ZNF331: variants seen among roughly 807,000 people sequenced by gnomAD.
ZNF331 encodes the protein C2H2-like zinc finger protein rearranged in thyroid adenomas.
Under a neutral mutation model 7.0 loss-of-function variants are expected in ZNF331, and 2 were observed. The observed-to-expected ratio is 0.29, with a 90% CI of 0.12 to 0.90. ZNF331 has a LOEUF of 0.90. ZNF331 is among the 40% of genes least tolerant of loss of function. The probability of loss-of-function intolerance (pLI) is 0.58; values close to 1 mark genes in which losing one functional copy is unlikely to be tolerated. For synonymous variants in ZNF331, 196 were observed against 205.4 expected (o/e 0.95, Z 0.39); for missense variants, 432 against 587.7 (o/e 0.74, Z 2.74).
upstream of ZNF331, among the ~76,000 whole-genome samples, chr19:53,534,622 A>G (rs113423171): frequency 2.0e-5 from 3 of 152,262 alleles, no homozygotes; most frequent in African/African-American, 7.2e-5. Context: ...AGACAAGTCA[A>G]GTTCTTCTTG....
rs3746305 is a variant in ZNF331, at chr19:53,539,198, C to T, written c.-204-18C>T. 0.58 allele frequency: 87,604 copies of T among 151,932 alleles called. 27,237 individuals carry two copies. The highest frequency in any genetic ancestry group is 0.83 in the African/African-American group (34,225 of 41,480). 9.4% of individuals were successfully genotyped at this position (151,932 alleles called of 1,614,324 possible). A position where few individuals can be genotyped will look rare whatever the true frequency, so the allele number is the denominator to read the frequency against. On this transcript the variant is annotated intron_variant, in intron 1 of 5. Coordinates refer to ENST00000449416, the MANE Select transcript of ZNF331 (RefSeq NM_001079906.2). The surrounding 1 kb of genome is among the most constrained non-coding windows in gnomAD (Gnocchi z 6.1). ...TTAGGTATGGCAGGTGTTACCCTTC[C>T]GGTTCTGTTTTCCCCAGGCCAGCAT...
intron 2 of ZNF331, among the ~76,000 whole-genome samples, chr19:53,544,017 A>C (rs1568482333): frequency 6.6e-6 from 1 of 152,042 alleles, no homozygotes; most frequent in African/African-American, 2.4e-5. Flanking sequence ...TCACAAGGTC[A>C]GGAGATCGAG....
intron 2 of ZNF331, among the ~76,000 whole-genome samples, chr19:53,548,665 T>C (rs1600322868): frequency 6.6e-6 from 1 of 152,296 alleles, no homozygotes; most frequent in East Asian, 1.9e-4. Context: ...GATTTTTAGT[T>C]TGATGTAGTC....
At chr19:53,536,798 G>A (rs1260261491), upstream of ZNF331, among the ~76,000 whole-genome samples, 1 of 152,192 alleles carries the variant, frequency 6.6e-6, no homozygotes, top group African/African-American at 2.4e-5. Flanking sequence ...AGCTACTGGG[G>A]AGGCTGACGC....
chr19:53,574,702 G>T (rs2090620730), intron 5 of ZNF331, among the ~76,000 whole-genome samples: 1 of 152,182 alleles, frequency 6.6e-6, no homozygotes, highest in African/African-American at 2.4e-5. Context: ...CCTGGTGTCT[G>T]GTTGTAGCTC....
intron 3 of ZNF331, among the ~76,000 whole-genome samples, chr19:53,563,467 G>C (rs1453384973): frequency 1.3e-5 from 2 of 152,090 alleles, no homozygotes; most frequent in Non-Finnish European, 2.9e-5. Context: ...ATGTGTCTTA[G>C]AATCTTTATT....
chr19:53,533,513 A>G (rs540254743), upstream of ZNF331, among the ~76,000 whole-genome samples: 1 of 152,342 alleles, frequency 6.6e-6, no homozygotes, highest in South Asian at 2.1e-4. Flanking sequence ...CATTTGGTCT[A>G]AAGTAAAATT....
intron 2 of ZNF331, among the ~76,000 whole-genome samples, chr19:53,544,368 A>C (rs1461268171): frequency 6.6e-6 from 1 of 150,470 alleles, no homozygotes; most frequent in Admixed American, 6.7e-5. Context: ...ACACGGTGAA[A>C]CCCCATCTCT....
Position 53,559,819 on chromosome 19 carries a change from A to G in ZNF331, c.-74+3911A>G, listed in dbSNP as rs532357589. ...ACGTATATACATATATACACACCAT[A>G]ACACACGTATATACATATATACATA... On this transcript the variant is annotated intron_variant, in intron 3 of 5. Coordinates refer to ENST00000449416, the MANE Select transcript of ZNF331 (RefSeq NM_001079906.2). Among the ~76,000 whole-genome samples the G allele has an allele frequency of 3.3e-5, 5 of 151,390 alleles. No homozygotes were observed. In the South Asian group the frequency reaches 1.0e-3, roughly 31 times the overall value.
At position 53,560,613 on chromosome 19, in the gene ZNF331, G is replaced by T. The variant is rs1269050416; in HGVS notation, c.-74+4705G>T. Among the ~76,000 whole-genome samples, 2 of 152,198 alleles carry T rather than the reference G, an allele frequency of 1.3e-5. No individual in the cohort carries two copies. The highest frequency in any genetic ancestry group is 2.4e-5 in the African/African-American group (1 of 41,444). On this transcript the variant is annotated intron_variant, in intron 3 of 5. Transcript: ENST00000449416. This position sits in a 1 kb window ranked among gnomAD's most constrained non-coding sequence, Gnocchi z 4.3. ...CTGTCATAGAGGTCAGAAGTCTGAA[G>T]TGGGTCTCACCGGGCTAAAACCAGG... is the stretch of plus-strand genomic sequence containing the variant.
chr19:53,569,383 C>G lies in ZNF331; in HGVS notation c.7C>G (p.Gln3Glu). 1 of 1,613,862 alleles carries G rather than the reference C, an allele frequency of 6.2e-7. No homozygotes were observed. The highest frequency in any genetic ancestry group is 8.5e-7 in the Non-Finnish European group (1 of 1,179,930). The change falls in exon 4 of 6, where the codon CAG becomes GAG. Residue 3 changes from glutamine to glutamate, a missense_variant and splice_region_variant. This residue lies in a region of ZNF331 where 39 missense variants were observed against 68.8 expected (regional missense o/e 0.57). Coordinates refer to ENST00000449416, the MANE Select transcript of ZNF331 (RefSeq NM_001079906.2). MA[Q>E]GLVTFADVAI... Reference sequence around the variant, plus strand: ...GTTCTTCAGTTCTAAAACAATGGCCCAGGTAAGTGTATATTTCTCTTTCCT... The same window carrying G: ...GTTCTTCAGTTCTAAAACAATGGCCGAGGTAAGTGTATATTTCTCTTTCCT...
chr19:53,544,338 G>A (rs1172045516), intron 2 of ZNF331, among the ~76,000 whole-genome samples: 1 of 151,320 alleles, frequency 6.6e-6, no homozygotes, highest in Non-Finnish European at 1.5e-5. Flanking sequence ...GAGGTCAGGA[G>A]ATGGAGACCA....
chr19:53,576,325 G>A (rs55908223), intron 5 of ZNF331, among the ~76,000 whole-genome samples: 6,480 of 152,202 alleles, frequency 0.043, 216 homozygotes, highest in South Asian at 0.15. Context: ...TGACATATAC[G>A]TGTATCAGTT....
upstream of ZNF331, among the ~76,000 whole-genome samples, chr19:53,516,448 CAA>C (rs34986946): frequency 2.3e-3 from 282 of 120,328 alleles, no homozygotes; most frequent in South Asian, 0.011. Flanking sequence ...GACTCCATCT[CAA>C]AAAAAAAAAA....
chr19:53,560,369 C>T lies in ZNF331; in HGVS notation c.-74+4461C>T, dbSNP rs552415314. Among the ~76,000 whole-genome samples the T allele has an allele frequency of 1.8e-3, 273 of 151,754 alleles. 1 individual carries two copies. The highest frequency in any genetic ancestry group is 6.3e-3 in the African/African-American group (262 of 41,362). On this transcript the variant is annotated intron_variant, in intron 3 of 5. Coordinates refer to ENST00000449416, the MANE Select transcript of ZNF331 (RefSeq NM_001079906.2). The surrounding 1 kb of genome is among the most constrained non-coding windows in gnomAD (Gnocchi z 4.3). The stretch of plus-strand genomic sequence containing the variant: ...TATATATACAGACACATATACACAC[C>T]CACAGATAGACACACATATACACAA...
At chr19:53,510,798 A>G in the ZNF331 span, among the ~76,000 whole-genome samples, 1 of 152,052 alleles carries the variant, frequency 6.6e-6, no homozygotes, top group Non-Finnish European at 1.5e-5. Context: ...ACCCAAGTCC[A>G]TGCTGTAACT....
intron 2 of ZNF331, among the ~76,000 whole-genome samples, chr19:53,525,815 T>G (rs1226693499): frequency 6.6e-6 from 1 of 152,238 alleles, no homozygotes; most frequent in Non-Finnish European, 1.5e-5. Flanking sequence ...GCCTAAGGCT[T>G]CTAGTACTAC....
chr19:53,533,755 C>T (rs146144506), upstream of ZNF331, among the ~76,000 whole-genome samples: 2 of 152,116 alleles, frequency 1.3e-5, no homozygotes, highest in Non-Finnish European at 2.9e-5. Flanking sequence ...TCTTTCTCTT[C>T]TTATAGTTTT....
intron 5 of ZNF331, among the ~76,000 whole-genome samples, chr19:53,575,847 C>A (rs2090696733): frequency 6.6e-6 from 1 of 151,936 alleles, no homozygotes; most frequent in Non-Finnish European, 1.5e-5. Context: ...CCATGCCCAG[C>A]TAATGTTTGT....
Sources: allele counts gnomAD v4.1 joint callset (sites outside exome capture counted in the v4.1 genomes callset), GRCh38; gene constraint gnomAD v4.1.1; regional missense constraint gnomAD v4.1.1; non-coding constraint Gnocchi (gnomAD v3.1); transcripts MANE v1.5; gene names NCBI Gene and HGNC (gene_info 2026-07-23, HGNC 2026-07-21).